The following RBPJ variants were observed in gnomAD, a reference collection of about 807,000 sequenced individuals.
RBPJ encodes the protein recombining binding protein suppressor of hairless.
In RBPJ, 9 loss-of-function variants were observed where a neutral mutation model predicts 67.8. The observed-to-expected ratio is 0.13, with a 90% confidence interval of 0.08 to 0.23. RBPJ has a LOEUF of 0.23. RBPJ is among the 10% of genes least tolerant of loss of function. RBPJ has a pLI of 1.00. For missense variants in RBPJ, 305 were observed against 595.6 expected (o/e 0.51, Z 5.08); for synonymous variants, 198 against 203.3 (o/e 0.97, Z 0.22).
At chr4:26,255,743 A>G (rs1294546100) in intron 1 of RBPJ, among the ~76,000 whole-genome samples, 2 of 150,330 alleles carry the variant, frequency 1.3e-5, no homozygotes, top group African/African-American at 4.9e-5. Context: ...CAGAGCTTGC[A>G]GTGAGCCGAG....
chr4:26,118,967 G>A, the RBPJ span, among the ~76,000 whole-genome samples: 1 of 152,132 alleles, frequency 6.6e-6, no homozygotes, highest in Non-Finnish European at 1.5e-5. Flanking sequence ...AGTCAAAGGG[G>A]CTTGGCTTTT....
chr4:26,272,744 C>T (rs1034408122), intron 1 of RBPJ: 3 of 451,978 alleles, frequency 6.6e-6, no homozygotes, highest in Non-Finnish European at 1.3e-5. Flanking sequence ...GTGCACCAAC[C>T]ATATTTGAAA....
chr4:26,420,777 C>T, intron 5 of RBPJ, 52 bp downstream of exon 5: 1 of 1,419,974 alleles, frequency 7.0e-7, no homozygotes, highest in Non-Finnish European at 9.5e-7. Context: ...ATTAATAAGA[C>T]AGACTCTTTT....
At position 26,392,544 on chromosome 4, in the gene RBPJ, T is replaced by C. The variant is rs7691944; in HGVS notation, c.59+6153T>C. Reference sequence around the variant, plus strand: ...GGATCTTAAAATAATTATATTCAATTTTCTAAATATATCAGGAAAAAAGAA... The same window carrying C: ...GGATCTTAAAATAATTATATTCAATCTTCTAAATATATCAGGAAAAAAGAA... On this transcript the variant is annotated intron_variant, in intron 2 of 10. Coordinates refer to ENST00000355476, the MANE Select transcript of RBPJ (RefSeq NM_015874.6). Among the ~76,000 whole-genome samples the C allele has an allele frequency of 4.3e-3, 656 of 152,306 alleles. 5 individuals are homozygous for C. Among genetic ancestry groups the C allele is most frequent in the African/African-American group, 0.015 (634 of 41,560 alleles).
chr4:26,187,787 C>T (rs542830887), intron 1 of RBPJ, among the ~76,000 whole-genome samples: 2 of 152,038 alleles, frequency 1.3e-5, no homozygotes, highest in East Asian at 1.9e-4. Flanking sequence ...TTTGGGAGGC[C>T]GAGGTGGGTG....
In RBPJ at chr4:26,415,509, G is replaced by A. The variant is rs1734483961; in HGVS notation, c.190G>A (p.Gly64Ser). 1.2e-6 allele frequency: 2 copies of A among 1,611,694 alleles called. No homozygotes were observed. The highest frequency in any genetic ancestry group is 8.5e-7 in the Non-Finnish European group (1 of 1,179,160). Residue 64 changes from glycine to serine, a missense_variant, in exon 4 of 11, where the codon GGC becomes AGC. Coordinates refer to ENST00000355476, the MANE Select transcript of RBPJ (RefSeq NM_015874.6). Reference protein sequence around the residue: ...FCPPPCVYLMGSGWKKKKEQM... With the variant: ...FCPPPCVYLMSSGWKKKKEQM... The stretch of plus-strand genomic sequence containing the variant: ...CCCACCTCCTTGTGTATATCTTATG[G>A]GCAGTGGATGGAAGAAAAAAAAAGA...
the RBPJ span, among the ~76,000 whole-genome samples, chr4:26,109,583 A>C: frequency 0.087 from 2,763 of 31,704 alleles, 825 homozygotes; most frequent in East Asian, 0.14. Context: ...CTCTCTCTAT[A>C]TATATATATA....
Position 26,430,201 on chromosome 4 carries a change from A to T in RBPJ, c.1044+148A>T, listed in dbSNP as rs1736076429. 1 of 979,858 alleles carries T rather than the reference A, an allele frequency of 1.0e-6. No individual in the cohort carries two copies. The highest frequency in any genetic ancestry group is 1.5e-6 in the Non-Finnish European group (1 of 677,086). 60.7% of individuals were successfully genotyped at this position (979,858 alleles called of 1,614,324 possible). On this transcript the variant is annotated intron_variant, in intron 9 of 10. Transcript: ENST00000355476. The surrounding 1 kb of genome is among the most constrained non-coding windows in gnomAD (Gnocchi z 4.1). ...TATACACCATTTGTTGATTTAAAGAAAAAAAAACAAAATTAGGAGGAGCGT... is the reference window on the plus strand; with the variant it reads ...TATACACCATTTGTTGATTTAAAGATAAAAAAACAAAATTAGGAGGAGCGT...
chr4:26,158,912 TGACTTTTAAGAA>T (rs1248284025), upstream of RBPJ, among the ~76,000 whole-genome samples: 1 of 151,038 alleles, frequency 6.6e-6, no homozygotes, highest in Non-Finnish European at 1.5e-5. Context: ...ATTTTCCTTG[TGACTTTTAAGAA>T]GACTTTCTCC....
chr4:26,432,315 C>G lies in RBPJ; in HGVS notation c.*1308C>G, dbSNP rs1736309833. 6.6e-6 allele frequency: 1 copy of G among 152,198 alleles called. No homozygotes were observed. The highest frequency in any genetic ancestry group is 2.4e-5 in the African/African-American group (1 of 41,442). The allele number at this position is 152,198 out of a possible 1,614,324, so 9.4% of individuals were successfully genotyped here. A position where few individuals can be genotyped will look rare whatever the true frequency, so the allele number is the denominator to read the frequency against. On this transcript the variant is annotated 3_prime_UTR_variant, in exon 11 of 11. Coordinates refer to ENST00000355476, the MANE Select transcript of RBPJ (RefSeq NM_015874.6). ...TAAGATGCTTTTATTAGATGATCAA[C>G]TAAAATAGCTGGAAGACAGTACTTT... is the stretch of plus-strand genomic sequence containing the variant.
At chr4:26,192,608 G>C (rs754683144) in intron 1 of RBPJ, among the ~76,000 whole-genome samples, 1 of 152,160 alleles carries the variant, frequency 6.6e-6, no homozygotes, top group African/African-American at 2.4e-5. Context: ...TCTATGAGGT[G>C]GGTCTGATTA....
chr4:26,154,973 G>A, the RBPJ span, among the ~76,000 whole-genome samples: 2 of 152,268 alleles, frequency 1.3e-5, no homozygotes, highest in South Asian at 4.1e-4. Flanking sequence ...GATTTGGAGG[G>A]GACACACTTC....
chr4:26,237,180 G>A (rs1386261515), intron 1 of RBPJ, among the ~76,000 whole-genome samples: 3 of 152,116 alleles, frequency 2.0e-5, no homozygotes, highest in Admixed American at 6.5e-5. Flanking sequence ...ACCTGATCAC[G>A]AAGTCAGGAG....
chr4:26,385,805 TTTA>T (rs1730857017), intron 1 of RBPJ, among the ~76,000 whole-genome samples: 1 of 151,048 alleles, frequency 6.6e-6, no homozygotes, highest in African/African-American at 2.4e-5. Context: ...TATTTATTTT[TTTA>T]TTTTATTTTT....
At chr4:26,114,729 G>A in the RBPJ span, among the ~76,000 whole-genome samples, 3 of 151,962 alleles carry the variant, frequency 2.0e-5, no homozygotes, top group African/African-American at 7.3e-5. Flanking sequence ...ACTTATGTAT[G>A]TGTATATATA....
intron 2 of RBPJ, among the ~76,000 whole-genome samples, chr4:26,391,899 G>A (rs34295457): frequency 0.091 from 13,874 of 152,186 alleles, 806 homozygotes; most frequent in East Asian, 0.29. Flanking sequence ...AATTCTGGAG[G>A]CTGGGAAGTC....
chr4:26,415,466 A>C lies in RBPJ; in HGVS notation c.156-9A>C. 6.4e-7 allele frequency: 1 copy of C among 1,559,822 alleles called. No homozygotes were observed. The highest frequency in any genetic ancestry group is 8.6e-7 in the Non-Finnish European group (1 of 1,158,664). On this transcript the variant is annotated splice_polypyrimidine_tract_variant and intron_variant, in intron 3 of 10. Coordinates refer to ENST00000355476, the MANE Select transcript of RBPJ (RefSeq NM_015874.6). ...TTCTTGTTTTTTTTTTTCCCCTATTATTCTTCAGGTTTTTTTGCCCACCTC... is the reference window on the plus strand; with the variant it reads ...TTCTTGTTTTTTTTTTTCCCCTATTCTTCTTCAGGTTTTTTTGCCCACCTC...
chr4:26,176,974 T>A (rs1277634785), intron 1 of RBPJ, among the ~76,000 whole-genome samples: 1 of 152,248 alleles, frequency 6.6e-6, no homozygotes, highest in African/African-American at 2.4e-5. Flanking sequence ...TAGAACCTTT[T>A]CTTGTCTGAA....
At chr4:26,372,006 C>T (rs1198893530) in intron 1 of RBPJ, among the ~76,000 whole-genome samples, 3 of 152,152 alleles carry the variant, frequency 2.0e-5, no homozygotes, top group Non-Finnish European at 4.4e-5. Context: ...TTCCGACCTT[C>T]GTTTTTCCTT....
Sources: gnomAD v4.1 joint callset for allele counts (sites outside exome capture counted in the v4.1 genomes callset) on GRCh38, gnomAD v4.1.1 for gene constraint, Gnocchi (gnomAD v3.1) non-coding constraint, MANE v1.5 for transcripts, NCBI Gene and HGNC (gene_info 2026-07-23, HGNC 2026-07-21) for gene names.